Variants in ADAMTS7 observed in about 807,000 individuals in gnomAD.
ADAMTS7 encodes A disintegrin and metalloproteinase with thrombospondin motifs 7.
Under a neutral mutation model 172.6 loss-of-function variants are expected in ADAMTS7, and 89 were observed. The observed-to-expected ratio is 0.52, with a 90% CI of 0.43 to 0.61. ADAMTS7 has a LOEUF of 0.61. Ranked by LOEUF, ADAMTS7 falls within the 20% of genes least tolerant of loss-of-function variation. The pLI, the probability that ADAMTS7 is intolerant of heterozygous loss-of-function variation, is 0.00. For synonymous variants in ADAMTS7, 885 were observed against 978.4 expected (o/e 0.90, Z 1.78); for missense variants, 1,973 against 2,355.6 (o/e 0.84, Z 3.36).
intron 8 of ADAMTS7, among the ~76,000 whole-genome samples, chr15:78,778,361 C>T (rs2055383098): frequency 6.6e-6 from 1 of 152,220 alleles, no homozygotes; most frequent in Non-Finnish European, 1.5e-5. Context: ...CTTCTGGCAC[C>T]CGCTTCTGCC....
chr15:78,777,405 G>C (rs369963858), intron 9 of ADAMTS7, 39 bp downstream of exon 9: 12 of 1,599,456 alleles, frequency 7.5e-6, no homozygotes, highest in Non-Finnish European at 7.7e-6. Context: ...CCCTCCTGCC[G>C]GGTCCCCACA....
In ADAMTS7 at chr15:78,798,568, T is replaced by C. The variant is rs554196018; in HGVS notation, c.457-455A>G. ...TGGCCAGGGCTTCTGACCTTCCCTCTATCTCCCTAAGGCAATGAATCACTC... is the reference window on the plus strand; with the variant it reads ...TGGCCAGGGCTTCTGACCTTCCCTCCATCTCCCTAAGGCAATGAATCACTC... On this transcript the variant is annotated intron_variant, in intron 2 of 23. Transcript: ENST00000388820. Among the ~76,000 whole-genome samples the C allele has an allele frequency of 2.0e-4, 30 of 152,246 alleles. No homozygotes were observed. In the East Asian group the frequency reaches 5.6e-3, roughly 28 times the overall value.
At chr15:78,774,025 A>G in intron 13 of ADAMTS7, 142 bp downstream of exon 13, 2 of 1,328,370 alleles carry the variant, frequency 1.5e-6, no homozygotes, top group Non-Finnish European at 2.0e-6. Flanking sequence ...TGGCCCGAGG[A>G]GGACCAGGAG....
chr15:78,777,209 C>G, intron 9 of ADAMTS7: 2 of 620,168 alleles, frequency 3.2e-6, no homozygotes, highest in East Asian at 2.8e-5. Context: ...GGCGAAGGGA[C>G]TTGTCCGAAG....
At chr15:78,789,607 C>T in intron 7 of ADAMTS7, 82 bp downstream of exon 7, 4 of 1,552,096 alleles carry the variant, frequency 2.6e-6, no homozygotes, top group Non-Finnish European at 3.5e-6. Context: ...GACTTTGTGA[C>T]CCACAGGCTG....
rs2055307318 is a variant in ADAMTS7 at position 78,774,562 on chromosome 15, C to CA, written c.1876+61_1876+62insT. 1.6e-5 allele frequency: 25 copies of CA among 1,608,684 alleles called. No individual in the cohort carries two copies. The South Asian group carries it at 2.5e-4, about 16-fold the overall frequency. ...GCCTCCTGCTCGCATCACAGGGTAACCTTGGACCCACACACCCCCAGCCCT... is the reference window on the plus strand; with the variant it reads ...GCCTCCTGCTCGCATCACAGGGTAACACTTGGACCCACACACCCCCAGCCCT... On this transcript the variant is annotated intron_variant, in intron 12 of 23. Coordinates refer to ENST00000388820, the MANE Select transcript of ADAMTS7 (RefSeq NM_014272.5).
intron 6 of ADAMTS7, 75 bp downstream of exon 6, chr15:78,790,595 C>G: frequency 6.3e-7 from 1 of 1,582,338 alleles, no homozygotes; most frequent in Non-Finnish European, 8.6e-7. Context: ...GCCCCCTCCT[C>G]CACCAGGGCT....
At chr15:78,782,156 G>A (rs1402048379) in intron 8 of ADAMTS7, among the ~76,000 whole-genome samples, 9 of 151,782 alleles carry the variant, frequency 5.9e-5, no homozygotes, top group Admixed American at 3.3e-4. Context: ...CTAGCCTCCC[G>A]AGTAGCTGGG....
chr15:78,806,027 C>T (rs1311980842), intron 1 of ADAMTS7, among the ~76,000 whole-genome samples: 1 of 137,594 alleles, frequency 7.3e-6, no homozygotes, highest in African/African-American at 2.7e-5. Flanking sequence ...TTGCAGTGAG[C>T]AGAAATTGTA....
Position 78,766,461 on chromosome 15 carries a change from C to A in ADAMTS7, c.3450G>T (p.Gly1150=), listed in dbSNP as rs1456188905. The A allele has an allele frequency of 1.9e-6, 3 of 1,543,084 alleles. No homozygotes were observed. In the African/African-American group the frequency reaches 4.2e-5, roughly 21 times the overall value. ...CAGGCAGGAAATTGATCAAAGGGTT[C>A]CCAGGGGTCTGCTCTGAGGGTGGGG... is the stretch of plus-strand genomic sequence containing the variant. ...SPPPPSEQTP[G]NPLINFLPEE... is the part of the protein sequence containing the mutation. The change falls in exon 19 of 24, where the codon GGG becomes GGT. Residue 1150 remains glycine (G), a synonymous_variant. Coordinates refer to ENST00000388820, the MANE Select transcript of ADAMTS7 (RefSeq NM_014272.5).
intron 2 of ADAMTS7, among the ~76,000 whole-genome samples, chr15:78,798,342 T>G (rs1357707632): frequency 3.3e-5 from 5 of 152,018 alleles, no homozygotes; most frequent in Non-Finnish European, 7.4e-5. Flanking sequence ...AAAGCGGAGC[T>G]CAGAAGCCTC....
chr15:78,773,906 C>A (rs1348619057), intron 13 of ADAMTS7, among the ~76,000 whole-genome samples: 2 of 152,132 alleles, frequency 1.3e-5, no homozygotes, highest in Non-Finnish European at 2.9e-5. Flanking sequence ...CGCAGGGGGG[C>A]GAGGCCTGAC....
At chr15:78,791,399 A>G (rs1298501386) in intron 4 of ADAMTS7, among the ~76,000 whole-genome samples, 176 bp from the exon 5 acceptor site, 1 of 151,436 alleles carries the variant, frequency 6.6e-6, no homozygotes, top group African/African-American at 2.4e-5. Flanking sequence ...GCACCAATGC[A>G]TGAGTGTCCC....
At chr15:78,787,257 C>T (rs1408165541) in intron 8 of ADAMTS7, among the ~76,000 whole-genome samples, 1 of 148,692 alleles carries the variant, frequency 6.7e-6, no homozygotes. Flanking sequence ...TTAAACCTGG[C>T]ACTGCACAAA....
At chr15:78,773,578 C>G (rs1201723324) in intron 13 of ADAMTS7, among the ~76,000 whole-genome samples, 1 of 152,084 alleles carries the variant, frequency 6.6e-6, no homozygotes, top group Non-Finnish European at 1.5e-5. Context: ...GCACCTCCCT[C>G]CTGGTCCTCC....
intron 8 of ADAMTS7, 35 bp from the exon 9 acceptor site, chr15:78,777,623 G>A (rs1052607629): frequency 3.8e-6 from 6 of 1,582,400 alleles, no homozygotes; most frequent in Admixed American, 1.8e-5. Context: ...GGGGGGCGCA[G>A]CCTGTGAGAC....
rs543354190 is a variant in ADAMTS7 at position 78,772,982 on chromosome 15, T to G, written c.2131+101A>C. Reference sequence around the variant, plus strand: ...CTTCCCTGCTTAGCCATCTCCAGGCTGGGTGGGGGCCACGAGGCCAAGGAC... The same window carrying G: ...CTTCCCTGCTTAGCCATCTCCAGGCGGGGTGGGGGCCACGAGGCCAAGGAC... On this transcript the variant is annotated intron_variant, in intron 14 of 23. Coordinates refer to ENST00000388820, the MANE Select transcript of ADAMTS7 (RefSeq NM_014272.5). 16 of 1,428,116 alleles carry G rather than the reference T, an allele frequency of 1.1e-5. No homozygotes were observed. The East Asian group carries it at 3.5e-4, about 31-fold the overall frequency. The allele number at this position is 1,428,116 out of a possible 1,614,324, so 88.5% of individuals were successfully genotyped here.
intron 1 of ADAMTS7, among the ~76,000 whole-genome samples, chr15:78,807,453 C>A (rs1284895983): frequency 2.0e-5 from 3 of 152,160 alleles, no homozygotes; most frequent in Non-Finnish European, 4.4e-5. Context: ...CTATTAAGTT[C>A]AAAAATGTGG....
intron 16 of ADAMTS7, among the ~76,000 whole-genome samples, chr15:78,770,166 CAAATA>C (rs71873869): frequency 1.4e-5 from 2 of 145,434 alleles, no homozygotes; most frequent in South Asian, 2.2e-4. Context: ...CCATCTCTAA[CAAATA>C]AAATAAAATA....
Sources: allele counts gnomAD v4.1 joint callset (sites outside exome capture counted in the v4.1 genomes callset), GRCh38; gene constraint gnomAD v4.1.1; transcripts MANE v1.5; gene names NCBI Gene and HGNC (gene_info 2026-07-23, HGNC 2026-07-21).